Variants in HPSE2 observed in about 807,000 individuals in gnomAD.
HPSE2 encodes heparanase 2 (inactive).
HPSE2 carries 38 observed loss-of-function variants against 60.5 expected under a neutral mutation model. The ratio of observed to expected loss-of-function variants is 0.63; its 90% confidence interval spans 0.48 to 0.82. HPSE2 has a LOEUF of 0.82. Among genes scored for constraint, HPSE2 ranks in the 40% least tolerant of loss-of-function variants. HPSE2 has a pLI of 0.00. For synonymous variants in HPSE2, 295 were observed against 293.2 expected (o/e 1.01, Z -0.06); for missense variants, 713 against 740.4 (o/e 0.96, Z 0.43).
intron 9 of HPSE2, among the ~76,000 whole-genome samples, chr10:98,578,147 T>C (rs1944692380): frequency 6.6e-6 from 1 of 152,186 alleles, no homozygotes; most frequent in South Asian, 2.1e-4. Flanking sequence ...TTGTCCAGCA[T>C]CCTTTGGAAA....
intron 3 of HPSE2, among the ~76,000 whole-genome samples, chr10:98,750,564 A>C (rs1380497606): frequency 4.6e-5 from 7 of 152,302 alleles, no homozygotes; most frequent in Non-Finnish European, 7.4e-5. Context: ...CCAGGGTGGT[A>C]GCAGCAGAGC....
intron 3 of HPSE2, among the ~76,000 whole-genome samples, chr10:98,841,131 G>T (rs1951903077): frequency 6.6e-6 from 1 of 152,070 alleles, no homozygotes; most frequent in African/African-American, 2.4e-5. Flanking sequence ...GGTAGTGCAG[G>T]CCTGTAATCA....
the HPSE2 span, among the ~76,000 whole-genome samples, chr10:99,263,440 G>A: frequency 5.9e-5 from 9 of 152,140 alleles, no homozygotes; most frequent in South Asian, 8.3e-4. Flanking sequence ...AGGTTTCCTC[G>A]CTACGCAAGG....
chr10:98,864,909 G>A (rs199996458), intron 3 of HPSE2, among the ~76,000 whole-genome samples: 1 of 151,920 alleles, frequency 6.6e-6, no homozygotes, highest in South Asian at 2.1e-4. Flanking sequence ...AATATGGCTT[G>A]CAGACCATTT....
chr10:98,794,010 T>C (rs921023482), intron 3 of HPSE2, among the ~76,000 whole-genome samples: 3 of 152,246 alleles, frequency 2.0e-5, no homozygotes, highest in Non-Finnish European at 4.4e-5. Flanking sequence ...TAAAGTTTTT[T>C]CTAACTCCTA....
At position 98,545,261 on chromosome 10, in the gene HPSE2, T is replaced by G. The variant is rs549410146; in HGVS notation, c.1321-55065A>C. Among the ~76,000 whole-genome samples the G allele has an allele frequency of 8.2e-3, 1,250 of 151,854 alleles. 9 individuals carry two copies. Among genetic ancestry groups the G allele is most frequent in the Non-Finnish European group, 0.015 (994 of 67,940 alleles). On this transcript the variant is annotated intron_variant, in intron 9 of 11. Coordinates refer to ENST00000370552, the MANE Select transcript of HPSE2 (RefSeq NM_021828.5). ...CTGGTACCATTCCTTCTGAAACTATTCCAATCAATAGAAAAAGAAGGAATC... is the reference window on the plus strand; with the variant it reads ...CTGGTACCATTCCTTCTGAAACTATGCCAATCAATAGAAAAAGAAGGAATC...
chr10:98,971,972 C>A (rs1955965817), intron 3 of HPSE2, among the ~76,000 whole-genome samples: 1 of 152,014 alleles, frequency 6.6e-6, no homozygotes, highest in Non-Finnish European at 1.5e-5. Context: ...CAATTTACAT[C>A]TTTTTATATT....
intron 9 of HPSE2, among the ~76,000 whole-genome samples, chr10:98,539,855 C>G (rs896637961): frequency 6.6e-6 from 1 of 151,896 alleles, no homozygotes; most frequent in Non-Finnish European, 1.5e-5. Context: ...TTACCCCCAC[C>G]TTAGGCACAC....
At chr10:99,218,383 T>A (rs1468646344) in intron 2 of HPSE2, among the ~76,000 whole-genome samples, 14 of 151,746 alleles carry the variant, frequency 9.2e-5, no homozygotes, top group Non-Finnish European at 1.6e-4. Flanking sequence ...ACACAGGAAA[T>A]CCCCCTTACC....
At chr10:98,980,842 A>G (rs1388804218) in intron 3 of HPSE2, among the ~76,000 whole-genome samples, 1 of 152,242 alleles carries the variant, frequency 6.6e-6, no homozygotes, top group Non-Finnish European at 1.5e-5. Context: ...TTAAATAAAC[A>G]GTAAAGACAA....
At chr10:98,514,449 A>G (rs1942523349) in intron 9 of HPSE2, among the ~76,000 whole-genome samples, 1 of 152,044 alleles carries the variant, frequency 6.6e-6, no homozygotes, top group Non-Finnish European at 1.5e-5. Context: ...TTTTACCACA[A>G]TAAAAAAAGA....
chr10:98,772,190 C>T (rs1022596032), intron 3 of HPSE2, among the ~76,000 whole-genome samples: 2 of 152,138 alleles, frequency 1.3e-5, no homozygotes, highest in African/African-American at 4.8e-5. Context: ...AGAGGGGCAG[C>T]CAAGGGTCCT....
At chr10:99,018,186 A>G (rs1957183689) in intron 3 of HPSE2, among the ~76,000 whole-genome samples, 1 of 152,152 alleles carries the variant, frequency 6.6e-6, no homozygotes, top group African/African-American at 2.4e-5. Flanking sequence ...CAGCTTAATC[A>G]CTTCCCCACT....
chr10:98,996,517 T>A (rs1028516812), intron 3 of HPSE2, among the ~76,000 whole-genome samples: 1 of 152,128 alleles, frequency 6.6e-6, no homozygotes, highest in African/African-American at 2.4e-5. Flanking sequence ...AAAACGAAAA[T>A]CTATGTCTAT....
At chr10:99,136,128 G>A (rs201791666) in intron 3 of HPSE2, among the ~76,000 whole-genome samples, 12 of 151,982 alleles carry the variant, frequency 7.9e-5, no homozygotes, top group African/African-American at 2.9e-4. Flanking sequence ...CAAATAAACT[G>A]GAAAATCTAG....
intron 2 of HPSE2, among the ~76,000 whole-genome samples, chr10:99,154,783 CT>C: frequency 6.6e-6 from 1 of 151,964 alleles, no homozygotes; most frequent in South Asian, 2.1e-4. Flanking sequence ...GGACTAAATG[CT>C]CCAATTAAAA....
chr10:98,835,621 A>C (rs1465852738), intron 3 of HPSE2, among the ~76,000 whole-genome samples: 2 of 152,188 alleles, frequency 1.3e-5, no homozygotes, highest in Non-Finnish European at 2.9e-5. Flanking sequence ...ACTCAATAAA[A>C]TATGGCAAGT....
chr10:98,936,880 G>A (rs1954808916), intron 3 of HPSE2, among the ~76,000 whole-genome samples: 1 of 130,654 alleles, frequency 7.7e-6, no homozygotes, highest in Non-Finnish European at 1.5e-5. Flanking sequence ...TCAGGAGGCT[G>A]AAGCAGGAAA....
the HPSE2 span, among the ~76,000 whole-genome samples, chr10:99,314,222 C>A: frequency 6.6e-6 from 1 of 152,118 alleles, no homozygotes; most frequent in African/African-American, 2.4e-5. Flanking sequence ...GAATGCAGTG[C>A]CACCATCTCA....
Sources: gnomAD v4.1 joint callset for allele counts (sites outside exome capture counted in the v4.1 genomes callset) on GRCh38, gnomAD v4.1.1 for gene constraint, MANE v1.5 for transcripts, NCBI Gene and HGNC (gene_info 2026-07-23, HGNC 2026-07-21) for gene names.